The following MECOM variants were observed in gnomAD, a reference collection of about 807,000 sequenced individuals.
MECOM encodes the protein histone-lysine N-methyltransferase MECOM.
A neutral mutation model predicts 116.3 loss-of-function variants in MECOM; 13 were observed. The observed-to-expected ratio is 0.11, with a 90% CI of 0.07 to 0.18. MECOM has a LOEUF of 0.18. Among genes scored for constraint, MECOM ranks in the 10% least tolerant of loss-of-function variants. MECOM has a pLI of 1.00. For missense variants in MECOM, 1,299 were observed against 1,509.0 expected, an observed-to-expected ratio of 0.86 and a Z score of 2.31; for synonymous variants, 528 against 535.2, an observed-to-expected ratio of 0.99 and a Z score of 0.19.
chr3:169,327,644 A>G (rs1360947373), intron 2 of MECOM, among the ~76,000 whole-genome samples: 14 of 151,474 alleles, frequency 9.2e-5, no homozygotes, highest in Admixed American at 9.2e-4. Context: ...TGTCTCAAAA[A>G]AAAAAAAAAA....
At chr3:169,413,428 C>G (rs1386710637) in intron 1 of MECOM, among the ~76,000 whole-genome samples, 1 of 151,916 alleles carries the variant, frequency 6.6e-6, no homozygotes, top group Non-Finnish European at 1.5e-5. Context: ...ACCTGGGGGG[C>G]CATTTGGGCA....
chr3:169,219,457 A>G (rs113938043), intron 2 of MECOM, among the ~76,000 whole-genome samples: 2 of 152,192 alleles, frequency 1.3e-5, no homozygotes, highest in African/African-American at 2.4e-5. Flanking sequence ...CAGTGAGCCA[A>G]GATGGCGCCA....
intron 1 of MECOM, among the ~76,000 whole-genome samples, chr3:169,544,729 A>G (rs1433397197): frequency 6.6e-6 from 1 of 152,216 alleles, no homozygotes; most frequent in East Asian, 1.9e-4. Flanking sequence ...AGGCACATGG[A>G]TGAAACTGGA....
chr3:169,379,112 C>T (rs1290784), intron 2 of MECOM, among the ~76,000 whole-genome samples: 67,698 of 150,686 alleles, frequency 0.45, 15,621 homozygotes, highest in Middle Eastern at 0.56. Flanking sequence ...AGAAAGTGCC[C>T]TTGCTAATCA....
chr3:169,409,868 C>A (rs1216661903), intron 1 of MECOM, among the ~76,000 whole-genome samples: 1 of 152,096 alleles, frequency 6.6e-6, no homozygotes, highest in East Asian at 1.9e-4. Context: ...AGGATAGTAA[C>A]CTAAAGTCAG....
chr3:169,148,830 A>C (rs1740609249), intron 2 of MECOM, among the ~76,000 whole-genome samples: 1 of 152,244 alleles, frequency 6.6e-6, no homozygotes, highest in Non-Finnish European at 1.5e-5. Context: ...GAAAATGACA[A>C]GAGGTGGTGA....
chr3:169,328,031 A>T (rs1395456907), intron 2 of MECOM, among the ~76,000 whole-genome samples: 1 of 152,220 alleles, frequency 6.6e-6, no homozygotes, highest in South Asian at 2.1e-4. Context: ...CTATCATTTT[A>T]GCTGTCTCAA....
chr3:169,191,926 A>T lies in MECOM; in HGVS notation c.376-48094T>A, dbSNP rs1231071068. On this transcript the variant is annotated intron_variant, in intron 2 of 16. Coordinates refer to ENST00000651503, the MANE Select transcript of MECOM (RefSeq NM_004991.4). Reference sequence around the variant, plus strand: ...GATTGTGAAGAAAAAGTGGAAAAAAAGAAGCATGTGTATCGGAGATACTGA... The same window carrying T: ...GATTGTGAAGAAAAAGTGGAAAAAATGAAGCATGTGTATCGGAGATACTGA... Among the ~76,000 whole-genome samples the T allele has an allele frequency of 2.0e-5, 3 of 152,014 alleles. No individual in the cohort carries two copies. In the East Asian group the frequency reaches 5.8e-4, roughly 29 times the overall value.
At chr3:169,121,248 C>T in intron 6 of MECOM, 39 bp from the exon 7 acceptor site, 2 of 1,543,492 alleles carry the variant, frequency 1.3e-6, no homozygotes, top group Non-Finnish European at 1.8e-6. Flanking sequence ...AGAAACTTAA[C>T]TCAAGGGCAC....
chr3:169,387,566 C>A (rs1273795890), intron 1 of MECOM, among the ~76,000 whole-genome samples: 1 of 152,124 alleles, frequency 6.6e-6, no homozygotes, highest in Non-Finnish European at 1.5e-5. Context: ...CACATTAGTT[C>A]ATTGATAGAA....
chr3:169,204,570 G>A (rs1414981303), intron 2 of MECOM, among the ~76,000 whole-genome samples: 1 of 152,140 alleles, frequency 6.6e-6, no homozygotes, highest in Non-Finnish European at 1.5e-5. Context: ...TAGACCTAAT[G>A]TAAACAGTAA....
At chr3:169,392,372 G>C (rs753582349) in intron 1 of MECOM, among the ~76,000 whole-genome samples, 12 of 152,198 alleles carry the variant, frequency 7.9e-5, no homozygotes, top group Non-Finnish European at 1.5e-4. Flanking sequence ...TTTGTGGATA[G>C]ACTAGAAAAG....
intron 1 of MECOM, among the ~76,000 whole-genome samples, chr3:169,547,485 A>C (rs980804319): frequency 6.6e-6 from 1 of 152,200 alleles, no homozygotes; most frequent in Admixed American, 6.5e-5. Flanking sequence ...CAGAAGAACA[A>C]GTATGGGCTT....
In MECOM at chr3:169,116,189, G is replaced by A. The variant is rs1051838306; in HGVS notation, c.1683C>T (p.Pro561=). The A allele has an allele frequency of 3.2e-5, 52 of 1,613,980 alleles. No homozygotes were observed. The highest frequency in any genetic ancestry group is 4.5e-5 in the East Asian group (2 of 44,884). Residue 561 remains proline (P), a synonymous_variant, in exon 8 of 17, where the codon CCC becomes CCT. Coordinates refer to ENST00000651503, the MANE Select transcript of MECOM (RefSeq NM_004991.4). Reference sequence around the variant, plus strand: ...AGGGCCTCTCTTCAGAGGACCTCTCGGGCTGGAGCTCCACTGGCTTATTGT... The same window carrying A: ...AGGGCCTCTCTTCAGAGGACCTCTCAGGCTGGAGCTCCACTGGCTTATTGT... ...VGDNKPVELQ[P]ERSSEERPFE... is the part of the protein sequence containing the mutation.
At chr3:169,149,847 T>C in intron 2 of MECOM, 1 of 325,120 alleles carries the variant, frequency 3.1e-6, no homozygotes, top group African/African-American at 2.2e-5. Context: ...ACTGAATAAA[T>C]TGTGAAAAAG....
chr3:169,328,387 A>G (rs902166854), intron 2 of MECOM, among the ~76,000 whole-genome samples: 2 of 152,194 alleles, frequency 1.3e-5, no homozygotes, highest in Non-Finnish European at 2.9e-5. Context: ...CTAAAATTTC[A>G]TAGCTCATCT....
intron 1 of MECOM, among the ~76,000 whole-genome samples, chr3:169,561,958 C>T (rs1426280675): frequency 6.6e-6 from 1 of 151,398 alleles, no homozygotes; most frequent in Non-Finnish European, 1.5e-5. Flanking sequence ...CCAGTCTGGC[C>T]AACATGGTGA....
At chr3:169,181,294 T>G (rs746143289) in intron 2 of MECOM, among the ~76,000 whole-genome samples, 3 of 152,180 alleles carry the variant, frequency 2.0e-5, no homozygotes, top group African/African-American at 4.8e-5. Flanking sequence ...TTATTTAAAT[T>G]TAAACAGAAA....
chr3:169,508,335 T>A (rs1755549683), intron 1 of MECOM, among the ~76,000 whole-genome samples: 1 of 151,662 alleles, frequency 6.6e-6, no homozygotes, highest in Admixed American at 6.6e-5. Context: ...GGGAATAGGG[T>A]GGGACACAGT....
Sources: gnomAD v4.1 joint callset for allele counts (sites outside exome capture counted in the v4.1 genomes callset) on GRCh38, gnomAD v4.1.1 for gene constraint, MANE v1.5 for transcripts, NCBI Gene and HGNC (gene_info 2026-07-23, HGNC 2026-07-21) for gene names.